The following PHF20 variants were observed in gnomAD, a reference collection of about 807,000 sequenced individuals.
The protein encoded by PHF20 is glioma-expressed antigen 2.
PHF20 carries 23 observed loss-of-function variants against 113.5 expected under a neutral mutation model. The observed-to-expected ratio is 0.20, with a 90% confidence interval of 0.15 to 0.29. PHF20 has a LOEUF of 0.29. PHF20 is among the 10% of genes least tolerant of loss of function. The pLI is 1.00. For synonymous variants in PHF20, 434 were observed against 457.3 expected, an observed-to-expected ratio of 0.95 and a Z score of 0.65; for missense variants, 943 against 1,219.6, an observed-to-expected ratio of 0.77 and a Z score of 3.38.
intron 1 of PHF20, among the ~76,000 whole-genome samples, chr20:35,780,714 T>A (rs1569113674): frequency 6.7e-6 from 1 of 149,538 alleles, no homozygotes; most frequent in Admixed American, 6.7e-5. Context: ...ACCCGGCTAA[T>A]CTTTTATATT....
intron 14 of PHF20, among the ~76,000 whole-genome samples, chr20:35,930,871 G>T (rs1256706823): frequency 6.6e-6 from 1 of 152,184 alleles, no homozygotes; most frequent in South Asian, 2.1e-4. Flanking sequence ...ACTGGGTCCT[G>T]TGGGCCTCAG....
intron 2 of PHF20, among the ~76,000 whole-genome samples, chr20:35,824,683 A>G (rs1600788119): frequency 6.6e-6 from 1 of 152,298 alleles, no homozygotes; most frequent in East Asian, 1.9e-4. Flanking sequence ...ACAAAGTTGT[A>G]CAATTGTCAC....
intron 17 of PHF20, among the ~76,000 whole-genome samples, chr20:35,944,742 T>A (rs1199080817): frequency 6.6e-6 from 1 of 152,132 alleles, no homozygotes; most frequent in Non-Finnish European, 1.5e-5. Flanking sequence ...TGATTTTGTA[T>A]TTTTAATAGA....
At chr20:35,816,898 T>G (rs1437625567) in intron 2 of PHF20, among the ~76,000 whole-genome samples, 1 of 151,896 alleles carries the variant, frequency 6.6e-6, no homozygotes, top group Non-Finnish European at 1.5e-5. Context: ...TTCTAGCGAT[T>G]CTCTTGCCTC....
chr20:35,852,273 G>C (rs904698989), intron 4 of PHF20, among the ~76,000 whole-genome samples: 13 of 152,120 alleles, frequency 8.5e-5, no homozygotes, highest in Admixed American at 7.2e-4. Flanking sequence ...TTAGGTCCAG[G>C]TGTTCACTGA....
chr20:35,864,379 T>C (rs1378831427), intron 6 of PHF20, among the ~76,000 whole-genome samples: 1 of 148,316 alleles, frequency 6.7e-6, no homozygotes, highest in Non-Finnish European at 1.5e-5. Context: ...CAAACCAGCC[T>C]GGACAATGTA....
rs568475887 is a variant in PHF20, at chr20:35,796,121, A to T, written c.-32-5370A>T. Among the ~76,000 whole-genome samples, 17 of 152,188 alleles carry T rather than the reference A, an allele frequency of 1.1e-4. No homozygotes were observed. In the East Asian group the frequency reaches 3.3e-3, roughly 29 times the overall value. On this transcript the variant is annotated intron_variant, in intron 1 of 17. Transcript: ENST00000374012. ...CGCCTTGGCCTCCCAAAGTGCTGGG[A>T]TTGCAGGCGTGAGCCACCGCACCCA...
At chr20:35,836,796 G>A (rs73618535) in intron 2 of PHF20, among the ~76,000 whole-genome samples, 8 of 146,130 alleles carry the variant, frequency 5.5e-5, no homozygotes, top group South Asian at 2.2e-4. Context: ...GCAGTGAGCC[G>A]AGATCACACC....
intron 2 of PHF20, among the ~76,000 whole-genome samples, chr20:35,841,315 C>G (rs1333503428): frequency 6.6e-6 from 1 of 151,978 alleles, no homozygotes; most frequent in Non-Finnish European, 1.5e-5. Flanking sequence ...TGTACTTCGG[C>G]CTGGGTGACA....
At chr20:35,866,693 T>G (rs2054325503) in intron 6 of PHF20, among the ~76,000 whole-genome samples, 1 of 152,182 alleles carries the variant, frequency 6.6e-6, no homozygotes, top group Admixed American at 6.5e-5. Context: ...GTTTTGAAAC[T>G]AATTCTCCTT....
chr20:35,925,241 A>C (rs1367864028), intron 13 of PHF20, among the ~76,000 whole-genome samples: 1 of 145,006 alleles, frequency 6.9e-6, no homozygotes, highest in Non-Finnish European at 1.5e-5. Flanking sequence ...GAAGCTATTA[A>C]TTTATTATTT....
intron 15 of PHF20, among the ~76,000 whole-genome samples, chr20:35,935,871 G>C (rs74418093): frequency 0.019 from 2,874 of 152,298 alleles, 95 homozygotes; most frequent in African/African-American, 0.066. Context: ...GTTGTCATGG[G>C]CTCTGGGTCT....
intron 3 of PHF20, chr20:35,845,388 C>T (rs939077411): frequency 2.3e-5 from 9 of 394,016 alleles, no homozygotes; most frequent in East Asian, 7.8e-5. Flanking sequence ...TTTAAAGAGA[C>T]GTTTTCTTGC....
intron 15 of PHF20, 131 bp downstream of exon 15, chr20:35,931,575 T>A: frequency 1.6e-6 from 1 of 622,554 alleles, no homozygotes; most frequent in Non-Finnish European, 2.6e-6. Context: ...TACTAAAAAT[T>A]ATCAGTTTCA....
intron 1 of PHF20, among the ~76,000 whole-genome samples, chr20:35,793,333 T>C (rs1365062262): frequency 1.3e-4 from 20 of 150,086 alleles, no homozygotes; most frequent in African/African-American, 3.2e-4. Context: ...AGAGTCTCGC[T>C]CTGTCACCCA....
intron 2 of PHF20, among the ~76,000 whole-genome samples, chr20:35,818,229 T>C (rs778120300): frequency 6.6e-6 from 1 of 151,944 alleles, no homozygotes; most frequent in Non-Finnish European, 1.5e-5. Flanking sequence ...GAGCCGAAAT[T>C]GCGACACTGC....
chr20:35,838,993 CAAAAA>C (rs796705349), intron 2 of PHF20, among the ~76,000 whole-genome samples: 2 of 86,224 alleles, frequency 2.3e-5, no homozygotes, highest in Non-Finnish European at 2.6e-5. Context: ...GACCCTGTCT[CAAAAA>C]AAAAAAAAAA....
At chr20:35,916,204 C>A (rs1173502234) in intron 12 of PHF20, among the ~76,000 whole-genome samples, 2 of 152,292 alleles carry the variant, frequency 1.3e-5, no homozygotes, top group African/African-American at 4.8e-5. Flanking sequence ...CTGACAGACA[C>A]AAAGTATTTG....
chr20:35,918,971 T>C (rs2055457718), intron 13 of PHF20, among the ~76,000 whole-genome samples: 1 of 152,224 alleles, frequency 6.6e-6, no homozygotes, highest in South Asian at 2.1e-4. Context: ...TAGAATATTA[T>C]TTCCTTGCCC....
Sources: gnomAD v4.1 joint callset for allele counts (sites outside exome capture counted in the v4.1 genomes callset) on GRCh38, gnomAD v4.1.1 for gene constraint, MANE v1.5 for transcripts, NCBI Gene and HGNC (gene_info 2026-07-23, HGNC 2026-07-21) for gene names.